The following MCU variants were observed in gnomAD, a reference collection of about 807,000 sequenced individuals.
MCU encodes calcium uniporter protein, mitochondrial.
A neutral mutation model predicts 45.2 loss-of-function variants in MCU; 12 were observed. The ratio of observed to expected loss-of-function variants is 0.27; its 90% confidence interval spans 0.17 to 0.43. The LOEUF (loss-of-function observed/expected upper bound fraction) is 0.43. Ranked by LOEUF, MCU falls within the 20% of genes least tolerant of loss-of-function variation. The pLI is 1.00. For synonymous variants in MCU, 160 were observed against 165.1 expected (o/e 0.97, Z 0.24); for missense variants, 324 against 436.7 (o/e 0.74, Z 2.30).
chr10:72,741,344 G>T (rs376465597), intron 1 of MCU, among the ~76,000 whole-genome samples: 1 of 152,058 alleles, frequency 6.6e-6, no homozygotes, highest in African/African-American at 2.4e-5. Flanking sequence ...CAGGTGATCC[G>T]CCCGCCTTGG....
At chr10:72,704,565 G>A (rs1173594514) in intron 1 of MCU, among the ~76,000 whole-genome samples, 4 of 151,550 alleles carry the variant, frequency 2.6e-5, no homozygotes, top group Admixed American at 2.6e-4. Flanking sequence ...TAGAGACAAG[G>A]TCTTCCTCTG....
chr10:72,771,010 A>G (rs963128923), intron 1 of MCU, among the ~76,000 whole-genome samples: 1 of 151,930 alleles, frequency 6.6e-6, no homozygotes, highest in Non-Finnish European at 1.5e-5. Context: ...AAATTCTTTC[A>G]GTTTTTATCT....
rs1343123745 is a variant in MCU at position 72,706,853 on chromosome 10, A to G, written c.150+14552A>G. The stretch of plus-strand genomic sequence containing the variant: ...CCCGGCCTTTTTTTTTTTTTTTGAG[A>G]CAGTCTCACTCTGTCGCCCAGGCTG... On this transcript the variant is annotated intron_variant, in intron 1 of 7. Coordinates refer to ENST00000373053, the MANE Select transcript of MCU (RefSeq NM_138357.3). Among the ~76,000 whole-genome samples the G allele has an allele frequency of 2.5e-5, 3 of 120,266 alleles. No individual in the cohort carries two copies. In the Admixed American group the frequency reaches 2.7e-4, roughly 11 times the overall value. 78.9% of individuals were successfully genotyped at this position (120,266 alleles called of 152,430 possible). A position where few individuals can be genotyped will look rare whatever the true frequency, so the allele number is the denominator to read the frequency against.
chr10:72,828,528 G>A (rs1483319546), intron 1 of MCU, among the ~76,000 whole-genome samples: 1 of 151,350 alleles, frequency 6.6e-6, no homozygotes, highest in Non-Finnish European at 1.5e-5. Context: ...TTAGCCTGAT[G>A]TCTAACTGGC....
rs575194702 is a variant in MCU, at chr10:72,698,006, C to CCCAG, written c.150+5706_150+5707insCAGC. Among the ~76,000 whole-genome samples the CCCAG allele has an allele frequency of 5.3e-5, 8 of 151,310 alleles. 1 individual carries two copies. The South Asian group carries it at 1.7e-3, about 32-fold the overall frequency. ...TGTTGCCCAAGCTGGTTTCTTAACT[C>CCCAG]CTGGCTTCAATAGATCCTCTCACTT... On this transcript the variant is annotated intron_variant, in intron 1 of 7. Coordinates refer to ENST00000373053, the MANE Select transcript of MCU (RefSeq NM_138357.3).
chr10:72,828,714 A>G (rs1370410012), intron 1 of MCU, among the ~76,000 whole-genome samples: 1 of 152,222 alleles, frequency 6.6e-6, no homozygotes, highest in Non-Finnish European at 1.5e-5. Flanking sequence ...TGAATTTAAT[A>G]ATTTTCTGAG....
At chr10:72,798,643 T>G (rs35795757) in intron 1 of MCU, among the ~76,000 whole-genome samples, 1 of 150,952 alleles carries the variant, frequency 6.6e-6, no homozygotes, top group African/African-American at 2.4e-5. Flanking sequence ...GTTTTTCTTG[T>G]TTTTTTTTAG....
At chr10:72,856,424 A>G (rs1190813449) in intron 2 of MCU, among the ~76,000 whole-genome samples, 1 of 152,164 alleles carries the variant, frequency 6.6e-6, no homozygotes, top group African/African-American at 2.4e-5. Flanking sequence ...TTTAGTGTGA[A>G]GATTTTGTAT....
At chr10:72,750,624 A>AT (rs1843480753) in intron 1 of MCU, among the ~76,000 whole-genome samples, 1 of 152,118 alleles carries the variant, frequency 6.6e-6, no homozygotes. Context: ...GGAGATACTG[A>AT]TTTTTTTCAG....
chr10:72,710,379 A>G (rs1021988149), intron 1 of MCU, among the ~76,000 whole-genome samples: 1 of 152,222 alleles, frequency 6.6e-6, no homozygotes, highest in African/African-American at 2.4e-5. Flanking sequence ...TCTTTGTAAG[A>G]TGAAAAGTAG....
Position 72,761,442 on chromosome 10 carries a change from C to T in MCU, c.150+69141C>T, listed in dbSNP as rs542114328. Reference sequence around the variant, plus strand: ...AATTTATTCTGAGGTACAAAGAAAACGAAGTTATCTTATGGCCAGAATACC... The same window carrying T: ...AATTTATTCTGAGGTACAAAGAAAATGAAGTTATCTTATGGCCAGAATACC... On this transcript the variant is annotated intron_variant, in intron 1 of 7. Transcript: ENST00000373053. 1.4e-4 allele frequency among the ~76,000 whole-genome samples: 22 copies of T among 152,180 alleles called. No homozygotes were observed. The South Asian group carries it at 2.1e-3, about 14-fold the overall frequency.
intron 7 of MCU, 134 bp from the exon 8 acceptor site, chr10:72,885,611 C>A: frequency 1.6e-6 from 1 of 628,514 alleles, no homozygotes; most frequent in Non-Finnish European, 2.8e-6. Context: ...TCTTTCAAGG[C>A]ACTCTTATTT....
chr10:72,815,314 A>G (rs1844608660), intron 1 of MCU, among the ~76,000 whole-genome samples: 1 of 152,222 alleles, frequency 6.6e-6, no homozygotes, highest in Non-Finnish European at 1.5e-5. Context: ...CGTTCTTGAG[A>G]AAAATAACAA....
At chr10:72,741,953 G>A (rs550899321) in intron 1 of MCU, among the ~76,000 whole-genome samples, 2 of 147,456 alleles carry the variant, frequency 1.4e-5, no homozygotes, top group East Asian at 3.9e-4. Context: ...GCGTGAACCC[G>A]GGAGGCGGAG....
At chr10:72,865,884 C>A (rs1219339689) in intron 4 of MCU, among the ~76,000 whole-genome samples, 1 of 150,816 alleles carries the variant, frequency 6.6e-6, no homozygotes, top group East Asian at 2.0e-4. Context: ...TCATGCCATT[C>A]TGCTGTCTCA....
intron 1 of MCU, among the ~76,000 whole-genome samples, chr10:72,797,745 G>A (rs1289497458): frequency 6.6e-6 from 1 of 151,988 alleles, no homozygotes; most frequent in African/African-American, 2.4e-5. Context: ...GTGTTGGCCA[G>A]GCTGGTCTCG....
chr10:72,840,195 C>T (rs1845027519), intron 2 of MCU, among the ~76,000 whole-genome samples: 1 of 152,174 alleles, frequency 6.6e-6, no homozygotes, highest in Non-Finnish European at 1.5e-5. Context: ...TCCTCCCCAA[C>T]TTTGGTACAA....
intron 1 of MCU, among the ~76,000 whole-genome samples, chr10:72,778,854 A>G (rs766802534): frequency 6.7e-6 from 1 of 149,378 alleles, no homozygotes; most frequent in Non-Finnish European, 1.5e-5. Context: ...TGGAAAACCG[A>G]AAAAAAAAAT....
intron 1 of MCU, among the ~76,000 whole-genome samples, chr10:72,742,443 TC>T (rs1564544099): frequency 6.6e-6 from 1 of 152,336 alleles, no homozygotes; most frequent in Admixed American, 6.5e-5. Flanking sequence ...TGTTGCCATT[TC>T]CCCCTAGAGG....
Sources: gnomAD v4.1 joint callset for allele counts (sites outside exome capture counted in the v4.1 genomes callset) on GRCh38, gnomAD v4.1.1 for gene constraint, MANE v1.5 for transcripts, NCBI Gene and HGNC (gene_info 2026-07-23, HGNC 2026-07-21) for gene names.